TMEM132D: variants seen among roughly 807,000 people sequenced by gnomAD.
TMEM132D encodes the protein transmembrane protein 132D.
Under a neutral mutation model 62.3 loss-of-function variants are expected in TMEM132D, and 21 were observed. That is an observed-to-expected ratio of 0.34 (90% CI 0.24 to 0.49). The LOEUF is 0.49. Ranked by LOEUF, TMEM132D falls within the 20% of genes least tolerant of loss-of-function variation. The pLI is 0.99. For synonymous variants in TMEM132D, 621 were observed against 575.6 expected (o/e 1.08, Z -1.13); for missense variants, 1,346 against 1,402.8 (o/e 0.96, Z 0.65).
chr12:129,836,023 C>T (rs1230439754), intron 1 of TMEM132D, among the ~76,000 whole-genome samples: 7 of 152,226 alleles, frequency 4.6e-5, no homozygotes, highest in African/African-American at 9.6e-5. Context: ...AGAAATACAA[C>T]TCTGTTATGT....
chr12:129,236,104 TTGTGTGTGTGTGTGTG>T (rs71072452), intron 4 of TMEM132D, among the ~76,000 whole-genome samples: 1 of 146,808 alleles, frequency 6.8e-6, no homozygotes, highest in African/African-American at 2.5e-5. Context: ...TGATGCTATT[TTGTGTGTGTGTGTGTG>T]TGTGTGTGTG....
intron 3 of TMEM132D, among the ~76,000 whole-genome samples, chr12:129,364,339 TATC>T (rs1187311115): frequency 6.6e-6 from 1 of 152,218 alleles, no homozygotes; most frequent in African/African-American, 2.4e-5. Context: ...CTCTAGGTGG[TATC>T]ATTCACGTAG....
chr12:129,823,734 A>T (rs968316125), intron 1 of TMEM132D, among the ~76,000 whole-genome samples: 2 of 152,238 alleles, frequency 1.3e-5, no homozygotes, highest in Non-Finnish European at 2.9e-5. Context: ...TTGCGGCTCT[A>T]TCACTTGCTA....
intron 3 of TMEM132D, among the ~76,000 whole-genome samples, chr12:129,505,424 T>C (rs1426204977): frequency 6.6e-6 from 1 of 152,082 alleles, no homozygotes; most frequent in East Asian, 1.9e-4. Context: ...TTTGTATTTT[T>C]AGTAGAGATG....
chr12:129,344,021 C>G (rs1392832158), intron 3 of TMEM132D, among the ~76,000 whole-genome samples: 1 of 152,208 alleles, frequency 6.6e-6, no homozygotes, highest in Non-Finnish European at 1.5e-5. Context: ...ACCCTTGTAG[C>G]AGAACACATT....
intron 3 of TMEM132D, among the ~76,000 whole-genome samples, chr12:129,507,904 A>C (rs1460082483): frequency 6.6e-6 from 1 of 152,148 alleles, no homozygotes; most frequent in Non-Finnish European, 1.5e-5. Flanking sequence ...TTCATGTCTA[A>C]CACTGTATAT....
chr12:129,245,977 G>A (rs1281494477), intron 4 of TMEM132D, among the ~76,000 whole-genome samples: 1 of 152,168 alleles, frequency 6.6e-6, no homozygotes, highest in Admixed American at 6.5e-5. Flanking sequence ...TCATCTGTCT[G>A]CACTGAGAGG....
At chr12:129,354,315 G>GTA (rs35875993) in intron 3 of TMEM132D, among the ~76,000 whole-genome samples, 54,167 of 147,662 alleles carry the variant, frequency 0.37, 10,460 homozygotes, top group East Asian at 0.53. Context: ...ACTTTATTGG[G>GTA]TATATATATA....
intron 4 of TMEM132D, among the ~76,000 whole-genome samples, chr12:129,232,763 A>G (rs544384223): frequency 1.3e-5 from 2 of 152,320 alleles, no homozygotes; most frequent in East Asian, 3.9e-4. Context: ...GCCTCAGGAA[A>G]CAATCATGGC....
Position 129,700,010 on chromosome 12 carries a change from G to A in TMEM132D, c.768C>T (p.Asp256=). The A allele has an allele frequency of 6.2e-7, 1 of 1,614,038 alleles. No homozygotes were observed. Among genetic ancestry groups the A allele is most frequent in the Non-Finnish European group, 8.5e-7 (1 of 1,180,040 alleles). ...GCAAGGGGGGCCCGGACTCATCGAT[G>A]TCACTGTGGCCTGTCCGGATCCCAT... is the stretch of plus-strand genomic sequence containing the variant. ...RSNGIRTGHS[D]IDESGPPLQR... is the part of the protein sequence containing the mutation. Residue 256 remains aspartate, a synonymous_variant, in exon 2 of 9, where the codon GAC becomes GAT. Coordinates refer to ENST00000422113, the MANE Select transcript of TMEM132D (RefSeq NM_133448.3).
intron 5 of TMEM132D, among the ~76,000 whole-genome samples, chr12:129,188,687 G>T (rs1262614832): frequency 6.9e-6 from 1 of 145,258 alleles, no homozygotes; most frequent in Non-Finnish European, 1.5e-5. Flanking sequence ...GAAACTAGAT[G>T]ATTGATAGAT....
At chr12:129,556,556 T>C (rs550273700) in intron 2 of TMEM132D, among the ~76,000 whole-genome samples, 1 of 151,952 alleles carries the variant, frequency 6.6e-6, no homozygotes, top group Non-Finnish European at 1.5e-5. Flanking sequence ...CAAATACTAA[T>C]ATAATAGGTT....
chr12:129,675,229 T>G (rs1313155365), intron 2 of TMEM132D, among the ~76,000 whole-genome samples: 1 of 152,218 alleles, frequency 6.6e-6, no homozygotes, highest in East Asian at 1.9e-4. Context: ...TGCAGGGGCA[T>G]GGATGAAGCT....
At chr12:129,390,313 T>C (rs1004383503) in intron 3 of TMEM132D, among the ~76,000 whole-genome samples, 1 of 152,116 alleles carries the variant, frequency 6.6e-6, no homozygotes, top group Non-Finnish European at 1.5e-5. Context: ...CCCAGTTGAG[T>C]AGCTGAGGCA....
intron 5 of TMEM132D, among the ~76,000 whole-genome samples, chr12:129,116,834 T>C (rs946696763): frequency 1.4e-4 from 21 of 148,944 alleles, no homozygotes; most frequent in Non-Finnish European, 1.5e-5. Flanking sequence ...AGTTTGGTAG[T>C]TTCTTACGAA....
chr12:129,656,430 G>C (rs1880079704), intron 2 of TMEM132D, among the ~76,000 whole-genome samples: 2 of 152,270 alleles, frequency 1.3e-5, no homozygotes, highest in Middle Eastern at 3.4e-3. Context: ...CTGAACTCAA[G>C]GGTTTGAAAG....
In TMEM132D at chr12:129,339,965, C is replaced by G. The variant is rs758367597; in HGVS notation, c.1116-2148G>C. Among the ~76,000 whole-genome samples, 3 of 152,278 alleles carry G rather than the reference C, an allele frequency of 2.0e-5. No individual in the cohort carries two copies. In the East Asian group the frequency reaches 5.8e-4, roughly 29 times the overall value. ...CAAATAAAAACCAACAATCCTTGCCCGCAGTAGAATACTGGATGCCTCCCA... is the reference window on the plus strand; with the variant it reads ...CAAATAAAAACCAACAATCCTTGCCGGCAGTAGAATACTGGATGCCTCCCA... On this transcript the variant is annotated intron_variant, in intron 3 of 8. Transcript: ENST00000422113.
At chr12:129,209,912 A>C (rs960154258) in intron 4 of TMEM132D, 1 of 510,394 alleles carries the variant, frequency 2.0e-6, no homozygotes, top group African/African-American at 1.9e-5. Context: ...TGGCGGAGGA[A>C]ATTTATTACT....
chr12:129,753,642 C>G (rs7959763), intron 1 of TMEM132D, among the ~76,000 whole-genome samples: 2 of 152,032 alleles, frequency 1.3e-5, no homozygotes, highest in Non-Finnish European at 2.9e-5. Context: ...TACACAATCA[C>G]ACGATATTCA....
Sources: gnomAD v4.1 joint callset for allele counts (sites outside exome capture counted in the v4.1 genomes callset) on GRCh38, gnomAD v4.1.1 for gene constraint, MANE v1.5 for transcripts, NCBI Gene and HGNC (gene_info 2026-07-23, HGNC 2026-07-21) for gene names.